Variants in RAB3A observed in about 807,000 individuals in gnomAD.
The protein encoded by RAB3A is RAB3A, member RAS oncogene family, also known as ras-related protein Rab-3A.
A neutral mutation model predicts 19.7 loss-of-function variants in RAB3A; 5 were observed. That is an observed-to-expected ratio of 0.25 (90% confidence interval 0.13 to 0.53). RAB3A has a LOEUF of 0.53. RAB3A is among the 20% of genes least tolerant of loss of function. The probability of loss-of-function intolerance (pLI) is 0.95; values close to 1 mark genes in which losing one functional copy is unlikely to be tolerated. For synonymous variants in RAB3A, 119 were observed against 122.1 expected, an observed-to-expected ratio of 0.97 and a Z score of 0.17; for missense variants, 189 against 305.6, an observed-to-expected ratio of 0.62 and a Z score of 2.85.
intron 1 of RAB3A, among the ~76,000 whole-genome samples, chr19:18,203,168 C>T (rs929399492): frequency 6.6e-6 from 1 of 152,204 alleles, no homozygotes; most frequent in African/African-American, 2.4e-5. Flanking sequence ...CCCCGCTCCC[C>T]GCAAACCTCC....
intron 3 of RAB3A, among the ~76,000 whole-genome samples, 177 bp from the exon 4 acceptor site, chr19:18,199,026 G>T (rs371937885): frequency 6.6e-6 from 1 of 150,402 alleles, no homozygotes; most frequent in Non-Finnish European, 1.5e-5. Context: ...TCCAGCCCCC[G>T]ACTGACCCAT....
chr19:18,202,754 G>A lies in RAB3A; in HGVS notation c.1-14C>T, dbSNP rs1487766762. The A allele has an allele frequency of 6.2e-7, 1 of 1,607,700 alleles. No homozygotes were observed. Among genetic ancestry groups the A allele is most frequent in the Non-Finnish European group, 8.5e-7 (1 of 1,174,566 alleles). On this transcript the variant is annotated splice_polypyrimidine_tract_variant and intron_variant, in intron 1 of 4. Coordinates refer to ENST00000222256, the MANE Select transcript of RAB3A (RefSeq NM_002866.5). The surrounding 1 kb of genome is among the most constrained non-coding windows in gnomAD (Gnocchi z 4.2). ...GGCGGATGCCATCTGGGGATACCGGGTGTAGCAGAGCCGTGAGGGGGGCTC... is the reference window on the plus strand; with the variant it reads ...GGCGGATGCCATCTGGGGATACCGGATGTAGCAGAGCCGTGAGGGGGGCTC...
chr19:18,198,870 G>A (rs1385530564), intron 3 of RAB3A, 21 bp from the exon 4 acceptor site: 1 of 1,611,048 alleles, frequency 6.2e-7, no homozygotes. Flanking sequence ...CACCAATGGG[G>A]GCAGGTCAGG....
In RAB3A at chr19:18,202,320, G is replaced by C. The variant is rs1369965931; in HGVS notation, c.228+193C>G. 3 of 558,930 alleles carry C rather than the reference G, an allele frequency of 5.4e-6. No individual in the cohort carries two copies. Among genetic ancestry groups the C allele is most frequent in the Non-Finnish European group, 9.6e-6 (3 of 312,192 alleles). 34.6% of individuals were successfully genotyped at this position (558,930 alleles called of 1,614,324 possible). ...AGAACTTGAAGATGGGGAAACTGAG[G>C]GACCAGGATTAGGTGCTTATGGGAG... On this transcript the variant is annotated intron_variant, in intron 2 of 4. Coordinates refer to ENST00000222256, the MANE Select transcript of RAB3A (RefSeq NM_002866.5). The surrounding 1 kb of genome is among the most constrained non-coding windows in gnomAD (Gnocchi z 4.2).
At position 18,198,813 on chromosome 19, in the gene RAB3A, G is replaced by A; in HGVS notation, c.384C>T (p.Ala128=). The A allele has an allele frequency of 1.2e-6, 2 of 1,614,096 alleles. No homozygotes were observed. The highest frequency in any genetic ancestry group is 1.7e-6 in the Non-Finnish European group (2 of 1,180,032). Residue 128 remains alanine (A), a synonymous_variant, in exon 4 of 5, where the codon GCC becomes GCT. Coordinates refer to ENST00000222256, the MANE Select transcript of RAB3A (RefSeq NM_002866.5). ...TQIKTYSWDN[A]QVLLVGNKCD... Reference sequence around the variant, plus strand: ...ACTTGTTTCCTACCAGCAGCACCTGGGCATTGTCCCATGAGTAGGTCTTGA... The same window carrying A: ...ACTTGTTTCCTACCAGCAGCACCTGAGCATTGTCCCATGAGTAGGTCTTGA...
rs762503527 is a variant in RAB3A at position 18,197,569 on chromosome 19, G to A, written c.564C>T (p.Ser188=). The A allele has an allele frequency of 5.5e-5, 88 of 1,613,956 alleles. 2 individuals are homozygous for A. In the East Asian group the frequency reaches 1.5e-3, roughly 27 times the overall value. Residue 188 remains serine (S), a synonymous_variant, in exon 5 of 5, where the codon TCC becomes TCT. Coordinates refer to ENST00000222256, the MANE Select transcript of RAB3A (RefSeq NM_002866.5). The part of the protein sequence containing the change: ...RLVDVICEKM[S]ESLDTADPAV... The stretch of plus-strand genomic sequence containing the variant: ...CAGGGTCCGCCGTGTCCAACGACTC[G>A]GACATCTTCTCGCAGATGACATCCA...
chr19:18,197,535 C>G lies in RAB3A; in HGVS notation c.598G>C (p.Gly200Arg). ...SLDTADPAVTGAKQGPQLSDQ... is the reference protein window; with the variant it reads ...SLDTADPAVTRAKQGPQLSDQ... The stretch of plus-strand genomic sequence containing the variant: ...CTGAGCTGTGGGCCCTGCTTGGCGC[C>G]TGTGACCGCAGGGTCCGCCGTGTCC... Residue 200 changes from glycine (G) to arginine (R), a missense_variant, in exon 5 of 5, where the codon GGC becomes CGC. By Grantham distance (125) the Gly-to-Arg change is moderately radical. Transcript: ENST00000222256. The G allele has an allele frequency of 6.2e-7, 1 of 1,613,614 alleles. No individual in the cohort carries two copies.
intron 3 of RAB3A, 62 bp from the exon 4 acceptor site, chr19:18,198,911 G>A (rs940521016): frequency 9.1e-5 from 144 of 1,577,042 alleles, no homozygotes; most frequent in Non-Finnish European, 1.2e-4. Context: ...ACCCTGACGG[G>A]CTGATGTGGA....
chr19:18,197,271 C>G lies in RAB3A; in HGVS notation c.*199G>C. The G allele has an allele frequency of 1.7e-6, 1 of 574,870 alleles. No homozygotes were observed. The highest frequency in any genetic ancestry group is 3.0e-6 in the Non-Finnish European group (1 of 332,944). The allele number at this position is 574,870 out of a possible 1,614,324, so 35.6% of individuals were successfully genotyped here. A position where few individuals can be genotyped will look rare whatever the true frequency, so the allele number is the denominator to read the frequency against. ...GGCTATATGTACAGGAGGGGCAGGG[C>G]TTGGGGCGGGCAGGGGAGCCTGGGC... On this transcript the variant is annotated 3_prime_UTR_variant, in exon 5 of 5. Transcript: ENST00000222256.
chr19:18,198,073 G>A (rs1450297046), intron 4 of RAB3A, among the ~76,000 whole-genome samples: 2 of 151,256 alleles, frequency 1.3e-5, no homozygotes, highest in African/African-American at 2.4e-5. Flanking sequence ...ATTGTGTCTC[G>A]TTGTCCTTAG....
chr19:18,200,828 A>G (rs549479728), intron 2 of RAB3A, among the ~76,000 whole-genome samples: 126 of 152,200 alleles, frequency 8.3e-4, no homozygotes, highest in African/African-American at 2.8e-3. Context: ...CCAACTACTC[A>G]GGAGGCTCAG....
intron 2 of RAB3A, among the ~76,000 whole-genome samples, chr19:18,201,730 G>A (rs1009882195): frequency 6.6e-6 from 1 of 152,156 alleles, no homozygotes; most frequent in Non-Finnish European, 1.5e-5. Context: ...GAAAATAACG[G>A]TATAAATGTA....
chr19:18,203,098 C>T (rs1967637604), intron 1 of RAB3A, among the ~76,000 whole-genome samples: 2 of 152,220 alleles, frequency 1.3e-5, no homozygotes, highest in South Asian at 4.1e-4. Context: ...TCCTCAGAAC[C>T]CGGCCGCGCG....
chr19:18,201,382 G>C (rs1226819506), intron 2 of RAB3A, among the ~76,000 whole-genome samples: 1 of 151,904 alleles, frequency 6.6e-6, no homozygotes, highest in African/African-American at 2.4e-5. Flanking sequence ...AGGAGTTCAA[G>C]ACTAGCCTGG....
Position 18,200,404 on chromosome 19 carries a change from T to G in RAB3A, c.270A>C (p.Ala90=). The change falls in exon 3 of 5, where the codon GCA becomes GCC. Residue 90 remains alanine, a synonymous_variant. Coordinates refer to ENST00000222256, the MANE Select transcript of RAB3A (RefSeq NM_002866.5). ...GQERYRTITT[A]YYRGAMGFIL... ...TGAAGCCCATAGCGCCCCGGTAGTA[T>G]GCGGTGGTGATGGTCCGGTACCGCT... is the stretch of plus-strand genomic sequence containing the variant. 1 of 1,614,060 alleles carries G rather than the reference T, an allele frequency of 6.2e-7. No homozygotes were observed. Among genetic ancestry groups the G allele is most frequent in the Admixed American group, 1.7e-5 (1 of 60,006 alleles).
At chr19:18,200,569 T>G (rs1967594451) in intron 2 of RAB3A, 124 bp from the exon 3 acceptor site, 1 of 742,016 alleles carries the variant, frequency 1.3e-6, no homozygotes. Context: ...GGGCACAAAG[T>G]GTCAGGAAGA....
At chr19:18,198,246 C>A (rs183435897) in intron 4 of RAB3A, among the ~76,000 whole-genome samples, 1 of 152,268 alleles carries the variant, frequency 6.6e-6, no homozygotes, top group East Asian at 1.9e-4. Flanking sequence ...ATGGTTGAGG[C>A]CCTCTGTGAT....
At chr19:18,200,221 T>G in intron 3 of RAB3A, 106 bp downstream of exon 3, 1 of 886,408 alleles carries the variant, frequency 1.1e-6, no homozygotes, top group Non-Finnish European at 1.7e-6. Flanking sequence ...AGGTCGAGGC[T>G]GCAGTGAGCC....
intron 3 of RAB3A, 33 bp from the exon 4 acceptor site, chr19:18,198,882 C>T (rs777962523): frequency 2.4e-5 from 39 of 1,605,758 alleles, no homozygotes; most frequent in South Asian, 3.3e-5. Context: ...CAGGTCAGGG[C>T]TTGGAGGATC....
Sources: gnomAD v4.1 joint callset for allele counts (sites outside exome capture counted in the v4.1 genomes callset) on GRCh38, gnomAD v4.1.1 for gene constraint, Gnocchi (gnomAD v3.1) non-coding constraint, MANE v1.5 for transcripts, NCBI Gene and HGNC (gene_info 2026-07-23, HGNC 2026-07-21) for gene names.